Variants in NKAIN3 observed in about 807,000 individuals in gnomAD.
The protein encoded by NKAIN3 is sodium/potassium-transporting ATPase subunit beta-1-interacting protein 3.
Under a neutral mutation model 30.2 loss-of-function variants are expected in NKAIN3, and 25 were observed. The ratio of observed to expected loss-of-function variants is 0.83; its 90% CI spans 0.60 to 1.16. NKAIN3 has a LOEUF of 1.16. Among genes scored for constraint, NKAIN3 ranks in the 50% most tolerant of loss-of-function variants. NKAIN3 has a pLI of 0.00. For synonymous variants in NKAIN3, 91 were observed against 89.6 expected, an observed-to-expected ratio of 1.02 and a Z score of -0.09; for missense variants, 225 against 254.1, an observed-to-expected ratio of 0.89 and a Z score of 0.78.
chr8:62,416,788 G>A (rs1180489598), intron 1 of NKAIN3, among the ~76,000 whole-genome samples: 1 of 151,812 alleles, frequency 6.6e-6, no homozygotes, highest in Non-Finnish European at 1.5e-5. Flanking sequence ...TGAGGTCAGG[G>A]GTTTGAGACT....
At chr8:62,695,545 A>G (rs1339436806) in intron 3 of NKAIN3, among the ~76,000 whole-genome samples, 1 of 152,226 alleles carries the variant, frequency 6.6e-6, no homozygotes, top group Non-Finnish European at 1.5e-5. Context: ...AATACGCAGC[A>G]AGAGTTTGAA....
rs539790945 is a variant in NKAIN3 at position 62,410,293 on chromosome 8, AT to A, written c.54+161173del. On this transcript the variant is annotated intron_variant, in intron 1 of 6. Coordinates refer to ENST00000623646, the MANE Select transcript of NKAIN3 (RefSeq NM_001304533.3). ...GCTGCTGCAAATGACATGATTTATT[AT>A]TTTTTTGTGGCTGTGTAGTATTCCA... Among the ~76,000 whole-genome samples the A allele has an allele frequency of 8.5e-5, 13 of 152,050 alleles. 1 individual carries two copies. Among genetic ancestry groups the A allele is most frequent in the South Asian group, 2.1e-4 (1 of 4,818 alleles).
At chr8:62,509,819 T>G (rs564305449) in intron 1 of NKAIN3, among the ~76,000 whole-genome samples, 17 of 152,122 alleles carry the variant, frequency 1.1e-4, no homozygotes, top group Non-Finnish European at 2.2e-4. Flanking sequence ...AGTCACTCAC[T>G]CCATGAAGAC....
chr8:62,621,262 T>C (rs1053431323), intron 3 of NKAIN3, among the ~76,000 whole-genome samples: 3 of 152,134 alleles, frequency 2.0e-5, no homozygotes, highest in African/African-American at 4.8e-5. Flanking sequence ...TCTGACACTC[T>C]ACTAGGAAAA....
intron 3 of NKAIN3, among the ~76,000 whole-genome samples, chr8:62,738,370 A>C (rs938693741): frequency 1.3e-5 from 2 of 152,042 alleles, no homozygotes; most frequent in African/African-American, 4.8e-5. Context: ...GAGGCTGAGG[A>C]GGGCAGATCA....
At chr8:62,827,699 T>G (rs1160132703) in intron 4 of NKAIN3, among the ~76,000 whole-genome samples, 1 of 152,106 alleles carries the variant, frequency 6.6e-6, no homozygotes, top group Non-Finnish European at 1.5e-5. Context: ...TTGTGTAAAT[T>G]TTAAAACAAA....
At position 62,965,479 on chromosome 8, in the gene NKAIN3, G is replaced by T; in HGVS notation, c.*72G>T. 1 of 985,726 alleles carries T rather than the reference G, an allele frequency of 1.0e-6. No homozygotes were observed. Among genetic ancestry groups the T allele is most frequent in the Non-Finnish European group, 1.2e-6 (1 of 829,912 alleles). 61.1% of individuals were successfully genotyped at this position (985,726 alleles called of 1,614,324 possible). Reference sequence around the variant, plus strand: ...TGACATTCCTTCCAGAGGCTAGACTGTGCTTCCTGGCTTTCCCACGAATCA... The same window carrying T: ...TGACATTCCTTCCAGAGGCTAGACTTTGCTTCCTGGCTTTCCCACGAATCA... On this transcript the variant is annotated 3_prime_UTR_variant, in exon 7 of 7. Coordinates refer to ENST00000623646, the MANE Select transcript of NKAIN3 (RefSeq NM_001304533.3).
intron 4 of NKAIN3, among the ~76,000 whole-genome samples, chr8:62,859,214 A>G (rs1433701367): frequency 1.3e-5 from 2 of 152,158 alleles, no homozygotes; most frequent in African/African-American, 2.4e-5. Context: ...CAGGTGGGCC[A>G]TCGCCCTACC....
intron 1 of NKAIN3, among the ~76,000 whole-genome samples, chr8:62,561,911 A>G (rs1274445753): frequency 6.6e-6 from 1 of 152,180 alleles, no homozygotes; most frequent in East Asian, 1.9e-4. Context: ...AATAGTGATT[A>G]ATTACATTTA....
intron 1 of NKAIN3, among the ~76,000 whole-genome samples, chr8:62,297,618 A>G (rs1813879225): frequency 6.6e-6 from 1 of 152,020 alleles, no homozygotes; most frequent in African/African-American, 2.4e-5. Context: ...CAAAACCACA[A>G]TGAGATACCA....
chr8:62,808,270 A>T (rs948334489), intron 4 of NKAIN3, among the ~76,000 whole-genome samples: 1 of 152,168 alleles, frequency 6.6e-6, no homozygotes, highest in Non-Finnish European at 1.5e-5. Context: ...TAGTTGTTTC[A>T]CCAAAAACTT....
chr8:62,654,718 A>C (rs1470690632), intron 3 of NKAIN3, among the ~76,000 whole-genome samples: 1 of 152,184 alleles, frequency 6.6e-6, no homozygotes, highest in Non-Finnish European at 1.5e-5. Flanking sequence ...ATTTTCAGGC[A>C]AACAAGATTT....
chr8:62,764,743 C>A (rs1190625297), intron 4 of NKAIN3, among the ~76,000 whole-genome samples: 3 of 152,180 alleles, frequency 2.0e-5, no homozygotes, highest in Non-Finnish European at 4.4e-5. Flanking sequence ...AGTCAATTTG[C>A]AAATTTCGTC....
chr8:62,916,508 G>T (rs1387128216), intron 4 of NKAIN3, among the ~76,000 whole-genome samples: 2 of 152,078 alleles, frequency 1.3e-5, no homozygotes, highest in African/African-American at 4.8e-5. Context: ...AGGCAATTTT[G>T]TTTGTTCTCT....
Position 62,859,508 on chromosome 8 carries a change from TA to T in NKAIN3, c.472-58932del, listed in dbSNP as rs531859546. Among the ~76,000 whole-genome samples the T allele has an allele frequency of 8.8e-3, 529 of 60,378 alleles. 76 individuals are homozygous for T. Among genetic ancestry groups the T allele is most frequent in the African/African-American group, 0.026 (472 of 17,940 alleles). The allele number at this position is 60,378 out of a possible 152,430, so 39.6% of individuals were successfully genotyped here. On this transcript the variant is annotated intron_variant, in intron 4 of 6. Coordinates refer to ENST00000623646, the MANE Select transcript of NKAIN3 (RefSeq NM_001304533.3). The stretch of plus-strand genomic sequence containing the variant: ...ACTTTTTCTATACTCTTACTTCAAC[TA>T]AAAAAAAAAAAACTTCATGGAAGTA...
intron 1 of NKAIN3, among the ~76,000 whole-genome samples, chr8:62,314,272 A>G (rs558129550): frequency 2.8e-4 from 43 of 152,314 alleles, no homozygotes; most frequent in African/African-American, 9.9e-4. Flanking sequence ...ACCACCCCAG[A>G]AAATGCTCCT....
intron 1 of NKAIN3, among the ~76,000 whole-genome samples, chr8:62,291,246 G>A (rs1013054281): frequency 2.0e-5 from 3 of 152,048 alleles, no homozygotes; most frequent in Admixed American, 1.3e-4. Flanking sequence ...CTTCAATTCT[G>A]CTCTGATCTT....
downstream of NKAIN3, among the ~76,000 whole-genome samples, chr8:62,985,590 T>C (rs1411566764): frequency 6.6e-6 from 1 of 152,210 alleles, no homozygotes; most frequent in Admixed American, 6.5e-5. Context: ...CCACAAAAAT[T>C]ATTTAAAAGA....
rs539171571 is a variant in NKAIN3, at chr8:62,971,211, G to A, written c.*5804G>A. Among the ~76,000 whole-genome samples the A allele has an allele frequency of 2.6e-5, 4 of 152,158 alleles. No homozygotes were observed. Among genetic ancestry groups the A allele is most frequent in the South Asian group, 2.1e-4 (1 of 4,824 alleles). The stretch of plus-strand genomic sequence containing the variant: ...AAAAGGAATGTTTCTTTCCTTTAAG[G>A]ATATGCCTCAGAAATACACACACTA... On this transcript the variant is annotated 3_prime_UTR_variant, in exon 7 of 7. Transcript: ENST00000623646.
Sources: gnomAD v4.1 joint callset for allele counts (sites outside exome capture counted in the v4.1 genomes callset) on GRCh38, gnomAD v4.1.1 for gene constraint, MANE v1.5 for transcripts, NCBI Gene and HGNC (gene_info 2026-07-23, HGNC 2026-07-21) for gene names.